ARAP3: variants seen among roughly 807,000 people sequenced by gnomAD.
ARAP3 encodes the protein ArfGAP with RhoGAP domain, ankyrin repeat and PH domain 3, also known as arf-GAP with Rho-GAP domain, ANK repeat and PH domain-containing protein 3.
ARAP3 carries 82 observed loss-of-function variants against 169.2 expected under a neutral mutation model. The ratio of observed to expected loss-of-function variants is 0.48; its 90% CI spans 0.41 to 0.58. The LOEUF is 0.58. Among genes scored for constraint, ARAP3 ranks in the 20% least tolerant of loss-of-function variants. ARAP3 has a pLI of 0.00. For synonymous variants in ARAP3, 791 were observed against 800.3 expected (o/e 0.99, Z 0.20); for missense variants, 1,764 against 2,018.0 (o/e 0.87, Z 2.41).
Position 141,655,182 on chromosome 5 carries a change from T to TACACACACACACACACACACAC in ARAP3, c.4149+158_4149+179dup, listed in dbSNP as rs3075597. Among the ~76,000 whole-genome samples the TACACACACACACACACACACAC allele has an allele frequency of 5.2e-5, 5 of 95,506 alleles. 1 individual carries two copies. Among genetic ancestry groups the TACACACACACACACACACACAC allele is most frequent in the Admixed American group, 1.2e-4 (1 of 8,686 alleles). The allele number at this position is 95,506 out of a possible 152,430, so 62.7% of individuals were successfully genotyped here. A position where few individuals can be genotyped will look rare whatever the true frequency, so the allele number is the denominator to read the frequency against. ...CACACACACACACACCCTGATGGCCTACACACACACACACACACACACACA... is the reference window on the plus strand; with the variant it reads ...CACACACACACACACCCTGATGGCCTACACACACACACACACACACACACACACACACACACACACACACACA... On this transcript the variant is annotated intron_variant, in intron 32 of 32. Coordinates refer to ENST00000239440, the MANE Select transcript of ARAP3 (RefSeq NM_022481.6).
chr5:141,681,182 C>G (rs1192433668), intron 1 of ARAP3, among the ~76,000 whole-genome samples: 5 of 152,162 alleles, frequency 3.3e-5, no homozygotes, highest in African/African-American at 9.7e-5. Flanking sequence ...GTGTGGGGTC[C>G]CGGCCCTGGG....
chr5:141,656,645 T>G lies in ARAP3; in HGVS notation c.3656-8A>C, dbSNP rs749041720. On this transcript the variant is annotated splice_region_variant and splice_polypyrimidine_tract_variant and intron_variant, in intron 26 of 32. Coordinates refer to ENST00000239440, the MANE Select transcript of ARAP3 (RefSeq NM_022481.6). ...GGCTCTCACGTCGGATACCTGGGCATAGATGGGCAATCCTGGGTGGAGGAT... is the reference window on the plus strand; with the variant it reads ...GGCTCTCACGTCGGATACCTGGGCAGAGATGGGCAATCCTGGGTGGAGGAT... 49 of 1,613,574 alleles carry G rather than the reference T, an allele frequency of 3.0e-5. No individual in the cohort carries two copies. The highest frequency in any genetic ancestry group is 4.0e-5 in the Non-Finnish European group (47 of 1,179,822).
chr5:141,679,268 A>C (rs1318042046), intron 4 of ARAP3, among the ~76,000 whole-genome samples: 1 of 152,206 alleles, frequency 6.6e-6, no homozygotes, highest in Non-Finnish European at 1.5e-5. Context: ...CAATCTGGGC[A>C]ACAAGGCAAG....
chr5:141,658,258 T>G (rs2099909493), intron 25 of ARAP3, 107 bp downstream of exon 25: 58 of 1,085,248 alleles, frequency 5.3e-5, no homozygotes, highest in Non-Finnish European at 7.2e-5. Context: ...GAGTCATCCA[T>G]GAGTTACCAT....
chr5:141,665,011 C>G lies in ARAP3; in HGVS notation c.2711G>C (p.Gly904Ala). The change falls in exon 19 of 33, where the codon GGG (glycine) becomes GCG (alanine). Residue 904 changes from glycine (G) to alanine (A), a missense_variant. By Grantham distance (60) the Gly-to-Ala change is moderately conservative (BLOSUM62 0). This residue lies in a region of ARAP3 where 1,112 missense variants were observed against 1,285.7 expected (regional missense o/e 0.86). Transcript: ENST00000239440. ...CTGCTCCTGCAGCCCTGTGCCGCCC[C>G]CACCAGCCGCGCCCCCAATGGCTGC... ...WNAAIGGAAG[G>A]GGTGLQEQQM... is the part of the protein sequence containing the mutation. The G allele has an allele frequency of 6.2e-7, 1 of 1,614,006 alleles. No homozygotes were observed.
intron 17 of ARAP3, among the ~76,000 whole-genome samples, chr5:141,665,731 A>G (rs1975988): frequency 0.054 from 8,289 of 152,110 alleles, 288 homozygotes; most frequent in African/African-American, 0.085. Flanking sequence ...GTGATTCCAA[A>G]TAATAATAAT....
intron 19 of ARAP3, among the ~76,000 whole-genome samples, chr5:141,664,060 T>C (rs1278961764): frequency 6.6e-6 from 1 of 152,104 alleles, no homozygotes; most frequent in Admixed American, 6.5e-5. Context: ...ACAGGAGAAA[T>C]AGATTCTTTT....
chr5:141,653,971 GGGTGGACTGGAAGTGCAT>G lies in ARAP3; in HGVS notation c.4596_4613del (p.Cys1533_Pro1538del). On this transcript the variant is annotated inframe_deletion, in exon 33 of 33. Coordinates refer to ENST00000239440, the MANE Select transcript of ARAP3 (RefSeq NM_022481.6). The stretch of plus-strand genomic sequence containing the variant: ...AGGGTCATGTGAGGGGCTGGCTGGA[GGGTGGACTGGAAGTGCAT>G]GGGGGTTGGGTGGGGAAGCCAGGTG... 2.0e-6 allele frequency: 3 copies of G among 1,533,670 alleles called. No homozygotes were observed. Among genetic ancestry groups the G allele is most frequent in the Non-Finnish European group, 2.6e-6 (3 of 1,141,286 alleles).
rs781334855 is a variant in ARAP3 at position 141,672,882 on chromosome 5, C to G, written c.1137G>C (p.Lys379Asn). Residue 379 changes from lysine (K) to asparagine (N), a missense_variant, in exon 8 of 33, where the codon AAG (lysine) becomes AAC (asparagine). Physicochemically the swap from Lys to Asn is moderately conservative, Grantham distance 94. This residue lies in a region of ARAP3 where 630 missense variants were observed against 678.7 expected (regional missense o/e 0.93). Coordinates refer to ENST00000239440, the MANE Select transcript of ARAP3 (RefSeq NM_022481.6). The surrounding 1 kb of genome is among the most constrained non-coding windows in gnomAD (Gnocchi z 4.9). ...GGGGGTGGCCCAGGAGGCGCTGCTC[C>G]TTCAGACAGGACTGCAGCGTGGAGC... Reference protein sequence around the residue: ...MWCSTLQSCLKEQRLLGHPRP... With the variant: ...MWCSTLQSCLNEQRLLGHPRP... The G allele has an allele frequency of 3.7e-6, 6 of 1,607,826 alleles. No homozygotes were observed. The highest frequency in any genetic ancestry group is 5.1e-6 in the Non-Finnish European group (6 of 1,177,072).
rs768077960 is a variant in ARAP3, at chr5:141,672,243, C to G, written c.1444G>C (p.Val482Leu). The change falls in exon 10 of 33, where the codon GTA (valine) becomes CTA (leucine). Residue 482 changes from valine to leucine, a missense_variant. Around this residue, in one of 3 missense-constraint regions of ARAP3, gnomAD observed 630 missense variants for 678.7 expected, o/e 0.93. Coordinates refer to ENST00000239440, the MANE Select transcript of ARAP3 (RefSeq NM_022481.6). This position sits in a 1 kb window ranked among gnomAD's most constrained non-coding sequence, Gnocchi z 4.9. ...QSWAAALQEA[V>L]TETLSDYEVA... Reference sequence around the variant, plus strand: ...TCGTAGTCAGACAGGGTCTCGGTTACTGCTTCCTGCAGAGCGGCCGCCCAG... The same window carrying G: ...TCGTAGTCAGACAGGGTCTCGGTTAGTGCTTCCTGCAGAGCGGCCGCCCAG... 3 of 1,614,244 alleles carry G rather than the reference C, an allele frequency of 1.9e-6. No individual in the cohort carries two copies. The South Asian group carries it at 3.3e-5, about 18-fold the overall frequency.
Position 141,679,667 on chromosome 5 carries a change from G to T in ARAP3, c.587-11C>A. ...GATCCATGATGTGCACTGGCAGGAG[G>T]AGAGGGGAACGCACAAGGAAGAGGA... On this transcript the variant is annotated splice_polypyrimidine_tract_variant and intron_variant, in intron 3 of 32. Coordinates refer to ENST00000239440, the MANE Select transcript of ARAP3 (RefSeq NM_022481.6). 6.2e-7 allele frequency: 1 copy of T among 1,614,044 alleles called. No homozygotes were observed. The highest frequency in any genetic ancestry group is 1.1e-5 in the South Asian group (1 of 91,078).
Position 141,680,518 on chromosome 5 carries a change from A to G in ARAP3, c.-17-15T>C. Reference sequence around the variant, plus strand: ...TCAGGCCATTGCTGGGGGGAGGGGCAGGGTGAAGGGAGGGCTCAGGCTGAG... The same window carrying G: ...TCAGGCCATTGCTGGGGGGAGGGGCGGGGTGAAGGGAGGGCTCAGGCTGAG... On this transcript the variant is annotated splice_polypyrimidine_tract_variant and intron_variant, in intron 1 of 32. Transcript: ENST00000239440. 6.4e-7 allele frequency: 1 copy of G among 1,556,334 alleles called. No individual in the cohort carries two copies. Among genetic ancestry groups the G allele is most frequent in the Non-Finnish European group, 8.7e-7 (1 of 1,153,310 alleles).
intron 4 of ARAP3, among the ~76,000 whole-genome samples, chr5:141,674,061 T>C (rs1735777961): frequency 6.7e-6 from 1 of 149,598 alleles, no homozygotes; most frequent in Admixed American, 6.8e-5. Flanking sequence ...CCTCTCGGGT[T>C]CAAGCGATTC....
Position 141,671,124 on chromosome 5 carries a change from G to T in ARAP3, c.1990+141C>A. 8.8e-7 allele frequency: 1 copy of T among 1,141,586 alleles called. No homozygotes were observed. Among genetic ancestry groups the T allele is most frequent in the Non-Finnish European group, 1.3e-6 (1 of 796,708 alleles). The allele number at this position is 1,141,586 out of a possible 1,614,324, so 70.7% of individuals were successfully genotyped here. ...GCTATCACATGACATCAGGAGATAGGCCCTGGAGGATCTGAGGGTTTGGGA... is the reference window on the plus strand; with the variant it reads ...GCTATCACATGACATCAGGAGATAGTCCCTGGAGGATCTGAGGGTTTGGGA... On this transcript the variant is annotated intron_variant, in intron 13 of 32. Coordinates refer to ENST00000239440, the MANE Select transcript of ARAP3 (RefSeq NM_022481.6). This position sits in a 1 kb window ranked among gnomAD's most constrained non-coding sequence, Gnocchi z 4.9.
chr5:141,663,944 C>G (rs950881117), intron 19 of ARAP3, among the ~76,000 whole-genome samples: 1 of 152,208 alleles, frequency 6.6e-6, no homozygotes, highest in African/African-American at 2.4e-5. Flanking sequence ...CAACTATTTC[C>G]ACAGCACTTG....
Position 141,671,776 on chromosome 5 carries a change from G to A in ARAP3, c.1672-24C>T. The A allele has an allele frequency of 1.9e-6, 3 of 1,597,298 alleles. No homozygotes were observed. The highest frequency in any genetic ancestry group is 2.6e-6 in the Non-Finnish European group (3 of 1,170,346). ...AACTGTGGGATGACAAGGGACAAAG[G>A]CAGGTGACAGGAACTCAAGAGTCCT... On this transcript the variant is annotated intron_variant, in intron 11 of 32. Coordinates refer to ENST00000239440, the MANE Select transcript of ARAP3 (RefSeq NM_022481.6). The surrounding 1 kb of genome is among the most constrained non-coding windows in gnomAD (Gnocchi z 4.9).
chr5:141,659,437 T>G lies in ARAP3; in HGVS notation c.3307A>C (p.Ser1103Arg). ...DQVAQIDLEVSLITTWKDVQL... is the reference protein window; with the variant it reads ...DQVAQIDLEVRLITTWKDVQL... ...ACGTCCTTCCAGGTGGTGATAAGAC[T>G]GACCTCCAAGTCAATCTGAGCTACC... Residue 1103 changes from serine (S) to arginine (R), a missense_variant, in exon 23 of 33, where the codon AGT becomes CGT. Coordinates refer to ENST00000239440, the MANE Select transcript of ARAP3 (RefSeq NM_022481.6). The G allele has an allele frequency of 6.2e-7, 1 of 1,614,230 alleles. No individual in the cohort carries two copies. The highest frequency in any genetic ancestry group is 1.7e-5 in the Admixed American group (1 of 60,026).
Position 141,673,795 on chromosome 5 carries a change from C to CCTGT in ARAP3, c.708_711dup (p.Asp238ThrfsTer15). 1 of 1,614,022 alleles carries CCTGT rather than the reference C, an allele frequency of 6.2e-7. No homozygotes were observed. The highest frequency in any genetic ancestry group is 8.5e-7 in the Non-Finnish European group (1 of 1,180,022). Reference sequence around the variant, plus strand: ...CCAGCATCCTCCCGTGCCTCCAGATCCTGTCTGCTGAGCCTTGTGGGGGCC... The same window carrying CCTGT: ...CCAGCATCCTCCCGTGCCTCCAGATCCTGTCTGTCTGCTGAGCCTTGTGGGGGCC... On this transcript the variant is annotated frameshift_variant, in exon 5 of 33. Transcript: ENST00000239440. LOFTEE classifies it high-confidence loss of function.
chr5:141,656,462 A>C, intron 27 of ARAP3, 42 bp downstream of exon 27: 1 of 1,599,280 alleles, frequency 6.3e-7, no homozygotes. Flanking sequence ...GCTCCTCTCC[A>C]TGGCCACCCA....
Sources: gnomAD v4.1 joint callset for allele counts (sites outside exome capture counted in the v4.1 genomes callset) on GRCh38, gnomAD v4.1.1 for gene constraint, gnomAD v4.1.1 regional missense constraint, Gnocchi (gnomAD v3.1) non-coding constraint, MANE v1.5 for transcripts, NCBI Gene and HGNC (gene_info 2026-07-23, HGNC 2026-07-21) for gene names.